The following ABCC4 variants were observed in gnomAD, a reference collection of about 807,000 sequenced individuals.
ABCC4 encodes ATP binding cassette subfamily C member 4 (PEL blood group).
In ABCC4, 102 loss-of-function variants were observed where a neutral mutation model predicts 168.5. The observed-to-expected ratio is 0.61, with a 90% CI of 0.52 to 0.71. ABCC4 has a LOEUF of 0.71. Among genes scored for constraint, ABCC4 ranks in the 30% least tolerant of loss-of-function variants. The probability of loss-of-function intolerance (pLI) is 0.00; values close to 1 mark genes in which losing one functional copy is unlikely to be tolerated. For synonymous variants in ABCC4, 617 were observed against 590.7 expected (o/e 1.04, Z -0.65); for missense variants, 1,402 against 1,605.8 (o/e 0.87, Z 2.17).
chr13:95,209,539 G>C lies in ABCC4; in HGVS notation c.680C>G (p.Ala227Gly), dbSNP rs150871678. Residue 227 changes from alanine to glycine, a missense_variant, in exon 6 of 31, where the codon GCC becomes GGC. By Grantham distance (60) the Ala-to-Gly change is moderately conservative. Coordinates refer to ENST00000645237, the MANE Select transcript of ABCC4 (RefSeq NM_005845.5). ...AGPLQAIAVT[A>G]LLWMEIGISC... ...TATTCCTATCTCCATCCAGAGTAGG[G>C]CAGTCACTGCAATCGCCTGCAGTGG... The C allele has an allele frequency of 1.8e-5, 29 of 1,613,988 alleles. No homozygotes were observed. In the African/African-American group the frequency reaches 3.5e-4, roughly 19 times the overall value.
chr13:95,096,969 GTTAT>G (rs1250366529), intron 20 of ABCC4, among the ~76,000 whole-genome samples: 1 of 152,050 alleles, frequency 6.6e-6, no homozygotes, highest in Non-Finnish European at 1.5e-5. Flanking sequence ...AAGACCATTG[GTTAT>G]TTAAAGCAAA....
At chr13:95,106,790 G>C (rs1168568494) in intron 20 of ABCC4, among the ~76,000 whole-genome samples, 1 of 151,966 alleles carries the variant, frequency 6.6e-6, no homozygotes, top group Non-Finnish European at 1.5e-5. Context: ...GGGAACAAAA[G>C]AAAGATGGTA....
intron 7 of ABCC4, among the ~76,000 whole-genome samples, chr13:95,207,466 T>C (rs1394201191): frequency 5.3e-5 from 8 of 152,258 alleles, no homozygotes; most frequent in Non-Finnish European, 7.3e-5. Context: ...GCTACATTAA[T>C]ATAAATTATA....
intron 4 of ABCC4, among the ~76,000 whole-genome samples, chr13:95,222,159 C>A (rs1364765894): frequency 6.6e-6 from 1 of 152,238 alleles, no homozygotes; most frequent in Non-Finnish European, 1.5e-5. Flanking sequence ...TGTCCTACAG[C>A]TCACACAACC....
At chr13:95,140,833 G>C (rs960794110) in intron 19 of ABCC4, among the ~76,000 whole-genome samples, 1 of 152,148 alleles carries the variant, frequency 6.6e-6, no homozygotes, top group African/African-American at 2.4e-5. Context: ...CACAGGTTAT[G>C]TCTGCTATTG....
At chr13:95,169,116 C>T (rs529958553) in intron 14 of ABCC4, among the ~76,000 whole-genome samples, 2 of 152,232 alleles carry the variant, frequency 1.3e-5, no homozygotes, top group East Asian at 1.9e-4. Flanking sequence ...GTGGGAGAGG[C>T]GAGGAAGGAT....
At chr13:95,259,659 A>G (rs2040480129) in intron 1 of ABCC4, among the ~76,000 whole-genome samples, 1 of 152,214 alleles carries the variant, frequency 6.6e-6, no homozygotes, top group African/African-American at 2.4e-5. Context: ...CTTTCTGGAC[A>G]GGCTATAGAA....
chr13:95,264,657 G>A (rs962112443), intron 1 of ABCC4, among the ~76,000 whole-genome samples: 2 of 152,080 alleles, frequency 1.3e-5, no homozygotes, highest in East Asian at 1.9e-4. Flanking sequence ...AGAAGTGTTC[G>A]AGGCTGAAGG....
At chr13:95,217,499 G>C (rs2039152878) in intron 4 of ABCC4, among the ~76,000 whole-genome samples, 1 of 152,038 alleles carries the variant, frequency 6.6e-6, no homozygotes, top group African/African-American at 2.4e-5. Context: ...TGGGAGGCCA[G>C]GGAGGGCGGA....
chr13:95,097,868 G>A (rs898289236), intron 20 of ABCC4, among the ~76,000 whole-genome samples: 1 of 151,824 alleles, frequency 6.6e-6, no homozygotes, highest in African/African-American at 2.4e-5. Context: ...AGGTACAGTG[G>A]CTCACGCCTA....
chr13:95,100,732 G>T (rs529685289), intron 20 of ABCC4, among the ~76,000 whole-genome samples: 1 of 152,288 alleles, frequency 6.6e-6, no homozygotes, highest in Non-Finnish European at 1.5e-5. Context: ...GAAAGCATGA[G>T]AACGCCGTGA....
At chr13:95,149,168 C>T (rs575453314) in intron 19 of ABCC4, among the ~76,000 whole-genome samples, 6 of 152,294 alleles carry the variant, frequency 3.9e-5, no homozygotes, top group Admixed American at 3.9e-4. Flanking sequence ...ATGTCAACAA[C>T]TATTTATTTA....
rs569586033 is a variant in ABCC4, at chr13:95,143,929, T to C, written c.2455+17260A>G. The stretch of plus-strand genomic sequence containing the variant: ...TTCAAATGCTAAATCCTTCTGAAAA[T>C]TGATAAAAGCAAGTTTATGTAACAG... On this transcript the variant is annotated intron_variant, in intron 19 of 30. Transcript: ENST00000645237. Among the ~76,000 whole-genome samples, 481 of 152,264 alleles carry C rather than the reference T, an allele frequency of 3.2e-3. 3 individuals carry two copies. Among genetic ancestry groups the C allele is most frequent in the African/African-American group, 0.011 (456 of 41,530 alleles).
At chr13:95,086,561 C>A (rs2034263575) in intron 20 of ABCC4, among the ~76,000 whole-genome samples, 1 of 152,202 alleles carries the variant, frequency 6.6e-6, no homozygotes, top group Non-Finnish European at 1.5e-5. Flanking sequence ...CATTTAACCA[C>A]CAAACTGCTT....
At chr13:95,099,602 A>G (rs1308591691) in intron 20 of ABCC4, among the ~76,000 whole-genome samples, 2 of 152,192 alleles carry the variant, frequency 1.3e-5, no homozygotes, top group Non-Finnish European at 2.9e-5. Flanking sequence ...CCATAACGCT[A>G]AGAGATGATC....
intron 20 of ABCC4, among the ~76,000 whole-genome samples, chr13:95,106,326 T>C (rs945998316): frequency 4.6e-5 from 7 of 151,354 alleles, no homozygotes; most frequent in African/African-American, 1.7e-4. Context: ...TTGAGGGGTA[T>C]GTGCGTGTGT....
intron 29 of ABCC4, among the ~76,000 whole-genome samples, chr13:95,035,711 T>C (rs2032092481): frequency 6.6e-6 from 1 of 152,214 alleles, no homozygotes; most frequent in Non-Finnish European, 1.5e-5. Flanking sequence ...TTAGTGGCTT[T>C]GGTTAATGGT....
At chr13:95,270,747 G>A (rs2040826811) in intron 1 of ABCC4, among the ~76,000 whole-genome samples, 1 of 152,242 alleles carries the variant, frequency 6.6e-6, no homozygotes, top group Admixed American at 6.5e-5. Context: ...GAGTAGGGAA[G>A]CTACAGGCAG....
At chr13:95,163,807 C>T (rs1343481989) in intron 16 of ABCC4, among the ~76,000 whole-genome samples, 160 bp from the exon 17 acceptor site, 5 of 151,916 alleles carry the variant, frequency 3.3e-5, no homozygotes, top group African/African-American at 9.7e-5. Context: ...CTGAGGCAGG[C>T]GGATCAACTT....
Sources: allele counts gnomAD v4.1 joint callset (sites outside exome capture counted in the v4.1 genomes callset), GRCh38; gene constraint gnomAD v4.1.1; transcripts MANE v1.5; gene names NCBI Gene and HGNC (gene_info 2026-07-23, HGNC 2026-07-21).